Variants in FAM53A observed in about 807,000 individuals in gnomAD.
FAM53A encodes the protein protein FAM53A.
Under a neutral mutation model 26.6 loss-of-function variants are expected in FAM53A, and 28 were observed. The observed-to-expected ratio is 1.05, with a 90% CI of 0.78 to 1.45. The LOEUF (loss-of-function observed/expected upper bound fraction) is 1.45, where lower values mean the gene tolerates loss of function less well. Among genes scored for constraint, FAM53A ranks in the 40% most tolerant of loss-of-function variants. The pLI is 0.00. For synonymous variants in FAM53A, 290 were observed against 253.1 expected (o/e 1.15, Z -1.38); for missense variants, 650 against 575.8 (o/e 1.13, Z -1.32).
the FAM53A span, among the ~76,000 whole-genome samples, chr4:1,599,417 T>G: frequency 6.6e-6 from 1 of 151,960 alleles, no homozygotes; most frequent in Admixed American, 6.6e-5. The surrounding 1 kb of genome is among the most constrained non-coding windows in gnomAD (Gnocchi z 6.1). Flanking sequence ...ACATCTCGAG[T>G]GTTTCGCAGA....
chr4:1,609,105 C>A, the FAM53A span, among the ~76,000 whole-genome samples: 1 of 152,074 alleles, frequency 6.6e-6, no homozygotes, highest in Non-Finnish European at 1.5e-5. Flanking sequence ...CTCAGGAGCC[C>A]CCTAGGCCTC....
intron 1 of FAM53A, among the ~76,000 whole-genome samples, chr4:1,632,685 C>T (rs747017560): frequency 2.6e-5 from 4 of 152,258 alleles, no homozygotes; most frequent in South Asian, 2.1e-4. Flanking sequence ...AGCCACAGAA[C>T]GCTCCACAGG....
intron 1 of FAM53A, among the ~76,000 whole-genome samples, chr4:1,624,167 G>GTGGGCA (rs1324954108): frequency 6.6e-6 from 1 of 152,258 alleles, no homozygotes; most frequent in Non-Finnish European, 1.5e-5. Flanking sequence ...GGCTGGCATT[G>GTGGGCA]TGGGCATGGG....
Position 1,621,229 on chromosome 4 carries a change from G to A in FAM53A, c.432-3118C>T, listed in dbSNP as rs112667421. Among the ~76,000 whole-genome samples the A allele has an allele frequency of 1.0e-3, 148 of 147,844 alleles. 4 individuals are homozygous for A. The highest frequency in any genetic ancestry group is 2.8e-3 in the African/African-American group (112 of 40,054). On this transcript the variant is annotated intron_variant, in intron 1 of 1. Transcript: ENST00000489029. The stretch of plus-strand genomic sequence containing the variant: ...TGCCATTCTCCTGCCTCAGCCTCCC[G>A]CATAACTGGGACTACAGGCGCCCGC...
At chr4:1,664,438 T>A (rs1326152017) in intron 2 of FAM53A, among the ~76,000 whole-genome samples, 1 of 152,224 alleles carries the variant, frequency 6.6e-6, no homozygotes, top group African/African-American at 2.4e-5. Flanking sequence ...GAGTTGCTAC[T>A]CTCTAGAACT....
At chr4:1,626,404 A>G (rs920307845) in intron 1 of FAM53A, among the ~76,000 whole-genome samples, 2 of 152,236 alleles carry the variant, frequency 1.3e-5, no homozygotes, top group African/African-American at 4.8e-5. Flanking sequence ...CCAGTCACAC[A>G]GAACAGGAAG....
chr4:1,609,238 C>T, the FAM53A span, among the ~76,000 whole-genome samples: 4 of 152,020 alleles, frequency 2.6e-5, no homozygotes, highest in Non-Finnish European at 2.9e-5. Flanking sequence ...AGTCCGGGGC[C>T]TGGGGTCCAT....
chr4:1,624,468 T>C (rs62286198), intron 1 of FAM53A, among the ~76,000 whole-genome samples: 66,553 of 151,692 alleles, frequency 0.44, 16,250 homozygotes, highest in African/African-American at 0.65. Context: ...CATCCAGGAG[T>C]GAGACGGAGA....
At chr4:1,597,101 C>T in the FAM53A span, among the ~76,000 whole-genome samples, 1 of 152,176 alleles carries the variant, frequency 6.6e-6, no homozygotes, top group Admixed American at 6.5e-5. Context: ...CTTCTTTTCC[C>T]TCACTGGGAC....
intron 1 of FAM53A, among the ~76,000 whole-genome samples, chr4:1,674,504 C>A (rs1047471847): frequency 1.3e-5 from 2 of 152,026 alleles, no homozygotes; most frequent in Non-Finnish European, 2.9e-5. Context: ...CCTGTCTCTA[C>A]TAAAAATATA....
At chr4:1,607,868 A>G in the FAM53A span, among the ~76,000 whole-genome samples, 1 of 151,782 alleles carries the variant, frequency 6.6e-6, no homozygotes. Context: ...TGAACCGAGG[A>G]GGCAGAGGTT....
the FAM53A span, among the ~76,000 whole-genome samples, chr4:1,581,519 A>G: frequency 1.3e-5 from 2 of 152,346 alleles, no homozygotes; most frequent in African/African-American, 4.8e-5. Context: ...GGTCCTGCAT[A>G]TCTGGAATAT....
In FAM53A at chr4:1,625,665, G is replaced by A. The variant is rs181996695; in HGVS notation, c.432-7554C>T. On this transcript the variant is annotated intron_variant, in intron 1 of 1. Transcript: ENST00000489029. ...CAGAAGGCCCCACGTCCCGACCCACGTGGTCAGGGTCACGCCAGGTGATCA... is the reference window on the plus strand; with the variant it reads ...CAGAAGGCCCCACGTCCCGACCCACATGGTCAGGGTCACGCCAGGTGATCA... Among the ~76,000 whole-genome samples the A allele has an allele frequency of 2.7e-4, 36 of 134,576 alleles. 1 individual carries two copies. The highest frequency in any genetic ancestry group is 1.5e-3 in the East Asian group (7 of 4,718). The allele number at this position is 134,576 out of a possible 152,430, so 88.3% of individuals were successfully genotyped here.
chr4:1,579,138 G>A, the FAM53A span, among the ~76,000 whole-genome samples: 2 of 151,444 alleles, frequency 1.3e-5, no homozygotes, highest in Admixed American at 6.6e-5. Context: ...CCAGCCCGGA[G>A]GCGGCTGCGC....
At chr4:1,610,189 C>T in the FAM53A span, among the ~76,000 whole-genome samples, 1 of 152,006 alleles carries the variant, frequency 6.6e-6, no homozygotes, top group Non-Finnish European at 1.5e-5. Context: ...TGGGCCCGTC[C>T]ACAGCAGCTT....
At chr4:1,676,787 C>T (rs936700592) in intron 1 of FAM53A, among the ~76,000 whole-genome samples, 1 of 152,184 alleles carries the variant, frequency 6.6e-6, no homozygotes, top group African/African-American at 2.4e-5. Flanking sequence ...CCCACACCTC[C>T]CAATACGGCC....
chr4:1,597,327 G>A, the FAM53A span, among the ~76,000 whole-genome samples: 137 of 151,464 alleles, frequency 9.0e-4, no homozygotes, highest in African/African-American at 3.1e-3. Flanking sequence ...GAACCCCACC[G>A]GCCCGACACA....
At chr4:1,615,479 GCCACGCC>G (rs1714780637), downstream of FAM53A, among the ~76,000 whole-genome samples, 2 of 142,374 alleles carry the variant, frequency 1.4e-5, no homozygotes, top group Admixed American at 1.4e-4. Context: ...ACAGGATGCA[GCCACGCC>G]CACCTCACCT....
the FAM53A span, among the ~76,000 whole-genome samples, chr4:1,610,703 C>A: frequency 0.12 from 18,886 of 152,064 alleles, 1,648 homozygotes; most frequent in Non-Finnish European, 0.19. Flanking sequence ...GCTGGGCAGG[C>A]GGCTGAGGTG....
Sources: gnomAD v4.1 joint callset for allele counts (sites outside exome capture counted in the v4.1 genomes callset) on GRCh38, gnomAD v4.1.1 for gene constraint, Gnocchi (gnomAD v3.1) non-coding constraint, MANE v1.5 for transcripts, NCBI Gene and HGNC (gene_info 2026-07-23, HGNC 2026-07-21) for gene names.